TMPRSS9: variants seen among roughly 807,000 people sequenced by gnomAD.
The protein encoded by TMPRSS9 is transmembrane protease serine 9.
TMPRSS9 carries 113 observed loss-of-function variants against 111.4 expected under a neutral mutation model. The observed-to-expected ratio is 1.01, with a 90% CI of 0.87 to 1.19. The LOEUF is 1.19. TMPRSS9 is among the 50% of genes most tolerant of loss of function. The pLI is 0.00. For missense variants in TMPRSS9, 1,803 were observed against 1,513.1 expected (o/e 1.19, Z -3.18); for synonymous variants, 805 against 659.1 (o/e 1.22, Z -3.39).
Position 2,393,461 on chromosome 19 carries a change from A to T in TMPRSS9, c.143-3078A>T, listed in dbSNP as rs568219482. Among the ~76,000 whole-genome samples the T allele has an allele frequency of 1.9e-4, 29 of 152,292 alleles. No homozygotes were observed. The South Asian group carries it at 5.6e-3, about 29-fold the overall frequency. On this transcript the variant is annotated intron_variant, in intron 1 of 17. Transcript: ENST00000648592. The stretch of plus-strand genomic sequence containing the variant: ...CCGAACACATCCGAACATCAGCAAG[A>T]ACAAACTCCGGACACACCATCTTTA...
chr19:2,400,000 G>T (rs1457321857), intron 4 of TMPRSS9, among the ~76,000 whole-genome samples: 1 of 152,178 alleles, frequency 6.6e-6, no homozygotes, highest in Non-Finnish European at 1.5e-5. Context: ...AAAGTGCTGG[G>T]ATTATAGGTG....
chr19:2,418,279 T>TGTCC (rs1384324672), intron 13 of TMPRSS9, 141 bp downstream of exon 14: 13 of 821,780 alleles, frequency 1.6e-5, no homozygotes, highest in South Asian at 1.1e-4. Context: ...CTTCCCTCCT[T>TGTCC]TTCCTTTCCT....
exon 10 of TMPRSS9, chr19:2,413,721 G>C: frequency 6.2e-7 from 1 of 1,611,706 alleles, no homozygotes. Context: ...AGGACCCCTG[G>C]TCTGCGAGGA....
At chr19:2,407,614 T>TTTC (rs1568182954) in intron 7 of TMPRSS9, among the ~76,000 whole-genome samples, 3 of 122,512 alleles carry the variant, frequency 2.4e-5, no homozygotes, top group Admixed American at 8.4e-5. Flanking sequence ...TTTTCTTTTT[T>TTTC]TTTTTTTTTT....
chr19:2,414,655 G>A (rs1971180566), intron 10 of TMPRSS9, among the ~76,000 whole-genome samples: 1 of 151,798 alleles, frequency 6.6e-6, no homozygotes, highest in South Asian at 2.1e-4. Flanking sequence ...TGGGCAGATC[G>A]CTTGAGGTCA....
chr19:2,381,335 G>A (rs1328159656), intron 1 of TMPRSS9, among the ~76,000 whole-genome samples: 1 of 151,824 alleles, frequency 6.6e-6, no homozygotes, highest in Non-Finnish European at 1.5e-5. Context: ...AGGCAGCTGG[G>A]GTTGAATGAA....
At chr19:2,391,657 C>G (rs1328561617) in intron 1 of TMPRSS9, among the ~76,000 whole-genome samples, 1 of 151,336 alleles carries the variant, frequency 6.6e-6, no homozygotes, top group Non-Finnish European at 1.5e-5. Flanking sequence ...GGCAGAGTTT[C>G]TCATCTGCAT....
chr19:2,421,758 T>C, intron 13 of TMPRSS9, 96 bp from the exon 15 acceptor site: 1 of 1,396,740 alleles, frequency 7.2e-7, no homozygotes, highest in Admixed American at 2.3e-5. Context: ...CCGCCCTCGA[T>C]GGCTCCCACC....
chr19:2,386,373 C>T (rs575348656), upstream of TMPRSS9, among the ~76,000 whole-genome samples: 4 of 151,916 alleles, frequency 2.6e-5, no homozygotes, highest in South Asian at 2.1e-4. Flanking sequence ...GGCGTGGTGG[C>T]GGGCGCCTGT....
rs147794242 is a variant in TMPRSS9, at chr19:2,401,471, C to T, written c.515-504C>T. ...GGGCTGGTGAGTGCTCCCCGTGGGG[C>T]AAGTGAGACTGAGGATCGGTGTTGA... On this transcript the variant is annotated intron_variant, in intron 4 of 17. Transcript: ENST00000648592. Among the ~76,000 whole-genome samples, 267 of 152,218 alleles carry T rather than the reference C, an allele frequency of 1.8e-3. 1 individual carries two copies. Among genetic ancestry groups the T allele is most frequent in the African/African-American group, 6.4e-3 (264 of 41,556 alleles).
At chr19:2,404,931 CAA>C (rs1044091377) in intron 6 of TMPRSS9, among the ~76,000 whole-genome samples, 5,706 of 76,668 alleles carry the variant, frequency 0.074, 119 homozygotes, top group Middle Eastern at 0.12. Flanking sequence ...GACTCCATCT[CAA>C]AAAAAAAAAA....
intron 1 of TMPRSS9, among the ~76,000 whole-genome samples, chr19:2,370,027 G>A: frequency 6.6e-6 from 1 of 152,046 alleles, no homozygotes; most frequent in Non-Finnish European, 1.5e-5. Flanking sequence ...GGGCAATATA[G>A]CGAAACCCCT....
At chr19:2,404,680 C>CA (rs1290346160) in intron 6 of TMPRSS9, among the ~76,000 whole-genome samples, 5 of 152,080 alleles carry the variant, frequency 3.3e-5, no homozygotes, top group African/African-American at 1.2e-4. Context: ...CCTGTAATCC[C>CA]AGCACTTTGG....
In TMPRSS9 at chr19:2,416,768, A is replaced by C. The variant is rs758731388; in HGVS notation, c.1976A>C (p.Lys659Thr). 3 of 1,612,484 alleles carry C rather than the reference A, an allele frequency of 1.9e-6. No individual in the cohort carries two copies. In the South Asian group the frequency reaches 3.3e-5, roughly 18 times the overall value. Residue 659 changes from lysine to threonine, a missense_variant, in exon 12 of 18, where the codon AAG (lysine) becomes ACG (threonine). Coordinates refer to ENST00000648592, the Ensembl canonical transcript of TMPRSS9. The stretch of plus-strand genomic sequence containing the variant: ...ATCCAGAAGTTCCCTGTGGGCCGGA[A>C]GTGCATGATCTCCGGATGGGGAAAT...
chr19:2,382,712 C>T (rs570660510), intron 1 of TMPRSS9, among the ~76,000 whole-genome samples: 1 of 151,416 alleles, frequency 6.6e-6, no homozygotes, highest in Non-Finnish European at 1.5e-5. Context: ...CACAAAAGCA[C>T]ACATGCACAC....
intron 1 of TMPRSS9, among the ~76,000 whole-genome samples, chr19:2,390,162 G>T (rs1970554639): frequency 6.6e-6 from 1 of 151,538 alleles, no homozygotes; most frequent in African/African-American, 2.4e-5. Flanking sequence ...CAGCTGGGGT[G>T]ACAGAGAAAC....
intron 1 of TMPRSS9, among the ~76,000 whole-genome samples, chr19:2,391,874 T>C (rs1294779897): frequency 6.6e-6 from 1 of 151,782 alleles, no homozygotes; most frequent in Non-Finnish European, 1.5e-5. Context: ...CCTGGGTAGC[T>C]GAGATTACAG....
At chr19:2,389,366 C>T (rs562069734), upstream of TMPRSS9, among the ~76,000 whole-genome samples, 7 of 146,286 alleles carry the variant, frequency 4.8e-5, no homozygotes, top group South Asian at 1.3e-3. Context: ...TAAGCCACCG[C>T]ATCTGGTCTT....
intron 1 of TMPRSS9, among the ~76,000 whole-genome samples, chr19:2,369,298 G>A (rs866911245): frequency 5.9e-5 from 9 of 152,166 alleles, no homozygotes; most frequent in African/African-American, 2.2e-4. Flanking sequence ...CGAAAGTGGA[G>A]CTGCTGTCTG....
Sources: allele counts gnomAD v4.1 joint callset (sites outside exome capture counted in the v4.1 genomes callset), GRCh38; gene constraint gnomAD v4.1.1; transcripts MANE v1.5; gene names NCBI Gene and HGNC (gene_info 2026-07-23, HGNC 2026-07-21).